Variants in EHBP1 observed in about 807,000 individuals in gnomAD.
The protein encoded by EHBP1 is EH domain-binding protein 1.
EHBP1 carries 55 observed loss-of-function variants against 144.0 expected under a neutral mutation model. That is an observed-to-expected ratio of 0.38 (90% CI 0.31 to 0.48). EHBP1 has a LOEUF of 0.48. Ranked by LOEUF, EHBP1 falls within the 20% of genes least tolerant of loss-of-function variation. EHBP1 has a pLI of 0.98. For synonymous variants in EHBP1, 469 were observed against 472.7 expected (o/e 0.99, Z 0.10); for missense variants, 1,200 against 1,364.2 (o/e 0.88, Z 1.90).
At chr2:62,879,574 C>G (rs931900628) in intron 10 of EHBP1, among the ~76,000 whole-genome samples, 69 of 151,146 alleles carry the variant, frequency 4.6e-4, no homozygotes, top group African/African-American at 1.5e-3. Flanking sequence ...CACACACACA[C>G]ACACACACAC....
intron 10 of EHBP1, among the ~76,000 whole-genome samples, chr2:62,920,617 T>G (rs2054993733): frequency 1.3e-5 from 2 of 152,126 alleles, no homozygotes; most frequent in African/African-American, 4.8e-5. Context: ...ATTTAAGAGA[T>G]GAATGCATTA....
At chr2:62,713,168 G>A (rs1051215519) in intron 2 of EHBP1, among the ~76,000 whole-genome samples, 2 of 151,898 alleles carry the variant, frequency 1.3e-5, no homozygotes, top group African/African-American at 4.8e-5. Flanking sequence ...AGGCCAATGT[G>A]TGGACAGATT....
intron 1 of EHBP1, among the ~76,000 whole-genome samples, chr2:62,678,500 C>T (rs560895864): frequency 2.0e-5 from 3 of 152,056 alleles, no homozygotes; most frequent in African/African-American, 7.2e-5. Flanking sequence ...TTTTATTTCC[C>T]CTTTTGATTT....
intron 13 of EHBP1, among the ~76,000 whole-genome samples, chr2:62,953,767 A>T (rs2057537140): frequency 6.7e-6 from 1 of 149,708 alleles, no homozygotes; most frequent in Admixed American, 6.6e-5. Context: ...TAGCCAGGAA[A>T]ATTAAAAAAA....
At chr2:62,942,990 T>G (rs1393787305) in intron 11 of EHBP1, 94 bp downstream of exon 11, 2 of 977,500 alleles carry the variant, frequency 2.0e-6, no homozygotes, top group Non-Finnish European at 2.9e-6. Flanking sequence ...CCTGAAATAA[T>G]TTATATTTGT....
intron 3 of EHBP1, among the ~76,000 whole-genome samples, chr2:62,762,801 ACC>A (rs1290529835): frequency 2.0e-5 from 3 of 152,030 alleles, no homozygotes; most frequent in African/African-American, 7.2e-5. Context: ...TATGTTTGGA[ACC>A]TGTTCTCAAA....
intron 2 of EHBP1, among the ~76,000 whole-genome samples, chr2:62,722,065 G>C (rs540143083): frequency 6.6e-6 from 1 of 151,896 alleles, no homozygotes; most frequent in Non-Finnish European, 1.5e-5. Flanking sequence ...TAACATTTAA[G>C]AGTAAGTTGT....
intron 10 of EHBP1, 72 bp from the exon 11 acceptor site, chr2:62,942,646 T>G: frequency 7.4e-7 from 1 of 1,359,242 alleles, no homozygotes; most frequent in Non-Finnish European, 1.0e-6. Context: ...ATGATCTGAT[T>G]AGGTCAATTA....
chr2:62,928,541 C>T lies in EHBP1; in HGVS notation c.1186-14177C>T, dbSNP rs72809509. On this transcript the variant is annotated intron_variant, in intron 10 of 22. Coordinates refer to ENST00000431489, the MANE Select transcript of EHBP1 (RefSeq NM_001142616.3). ...AAAGAGCAAATTGTAATGGAAGATG[C>T]AGCTTAATGTCAAGAACATGTTGTA... Among the ~76,000 whole-genome samples, 1,328 of 152,112 alleles carry T rather than the reference C, an allele frequency of 8.7e-3. 9 individuals are homozygous for T. Among genetic ancestry groups the T allele is most frequent in the Non-Finnish European group, 0.011 (729 of 67,994 alleles).
Position 62,979,234 on chromosome 2 carries a change from A to G in EHBP1, c.2507A>G (p.Gln836Arg). 6.2e-7 allele frequency: 1 copy of G among 1,613,828 alleles called. No homozygotes were observed. Among genetic ancestry groups the G allele is most frequent in the Non-Finnish European group, 8.5e-7 (1 of 1,179,852 alleles). ...CGGCAGCTGAGAGAGAGAGCTCGTC[A>G]GCTAATAGCAGAAGCTCGATCTGGA... ...RRRQLRERAR[Q>R]LIAEARSGVK... The change falls in exon 15 of 23, where the codon CAG (glutamine) becomes CGG (arginine). Residue 836 changes from glutamine (Q) to arginine (R), a missense_variant. Transcript: ENST00000431489.
chr2:62,673,987 C>T (rs775903182), exon 1 of EHBP1: 9 of 470,072 alleles, frequency 1.9e-5, no homozygotes, highest in Admixed American at 4.7e-5. Context: ...GTTAGCATGC[C>T]CCTGTAGCAG....
chr2:62,677,734 A>C (rs544869805), intron 1 of EHBP1, among the ~76,000 whole-genome samples: 1 of 152,300 alleles, frequency 6.6e-6, no homozygotes, highest in South Asian at 2.1e-4. Flanking sequence ...GAGAACATGC[A>C]AAGTTTGTGT....
chr2:62,752,044 C>G (rs568471129), intron 3 of EHBP1, among the ~76,000 whole-genome samples: 6 of 151,772 alleles, frequency 4.0e-5, no homozygotes, highest in African/African-American at 1.2e-4. Context: ...TGTGTTTGCT[C>G]TTGCTTCTCT....
intron 10 of EHBP1, among the ~76,000 whole-genome samples, chr2:62,934,479 C>T (rs2056228805): frequency 1.3e-5 from 2 of 151,920 alleles, no homozygotes; most frequent in Middle Eastern, 3.2e-3. Flanking sequence ...CCTTTTTTGA[C>T]GGAAAATGTA....
At chr2:62,985,178 G>A (rs1416884311) in intron 15 of EHBP1, among the ~76,000 whole-genome samples, 1 of 152,026 alleles carries the variant, frequency 6.6e-6, no homozygotes, top group Non-Finnish European at 1.5e-5. Flanking sequence ...TGCATTTATT[G>A]ACTCCAGCCT....
chr2:62,811,261 G>C (rs1469982011), intron 5 of EHBP1, among the ~76,000 whole-genome samples: 1 of 152,144 alleles, frequency 6.6e-6, no homozygotes, highest in Non-Finnish European at 1.5e-5. Flanking sequence ...TTGGTTGAGA[G>C]AGCTTCCTGT....
intron 5 of EHBP1, among the ~76,000 whole-genome samples, chr2:62,824,798 G>GT (rs1187484607): frequency 2.0e-5 from 3 of 151,438 alleles, no homozygotes; most frequent in Non-Finnish European, 4.4e-5. Context: ...AAATATCAGG[G>GT]TTTTTTTTAA....
At chr2:62,987,026 A>C (rs955113976) in intron 15 of EHBP1, among the ~76,000 whole-genome samples, 3 of 152,154 alleles carry the variant, frequency 2.0e-5, no homozygotes, top group African/African-American at 7.2e-5. Flanking sequence ...TATTCTTCAA[A>C]TCCCAGGGCT....
chr2:62,757,964 A>T (rs2040447699), intron 3 of EHBP1, among the ~76,000 whole-genome samples: 2 of 151,620 alleles, frequency 1.3e-5, no homozygotes, highest in African/African-American at 2.4e-5. Flanking sequence ...GTGAGCCCAG[A>T]TAGCGCCACT....
Sources: gnomAD v4.1 joint callset for allele counts (sites outside exome capture counted in the v4.1 genomes callset) on GRCh38, gnomAD v4.1.1 for gene constraint, MANE v1.5 for transcripts, NCBI Gene and HGNC (gene_info 2026-07-23, HGNC 2026-07-21) for gene names.